BRCA1: variants seen among roughly 807,000 people sequenced by gnomAD.
The protein encoded by BRCA1 is BRCA1 DNA repair associated.
BRCA1 carries 140 observed loss-of-function variants against 173.7 expected under a neutral mutation model. The ratio of observed to expected loss-of-function variants is 0.81; its 90% CI spans 0.70 to 0.93. The LOEUF (loss-of-function observed/expected upper bound fraction) is 0.93, where lower values mean the gene tolerates loss of function less well. Ranked by LOEUF, BRCA1 falls within the 40% of genes least tolerant of loss-of-function variation. The pLI, the probability that BRCA1 is intolerant of heterozygous loss-of-function variation, is 0.00. For missense variants in BRCA1, 1,983 were observed against 2,172.5 expected, an observed-to-expected ratio of 0.91 and a Z score of 1.73; for synonymous variants, 662 against 756.0, an observed-to-expected ratio of 0.88 and a Z score of 2.04.
chr17:43,080,742 G>T (rs1298368290), intron 12 of BRCA1, among the ~76,000 whole-genome samples: 1 of 152,034 alleles, frequency 6.6e-6, no homozygotes, highest in Non-Finnish European at 1.5e-5. Context: ...AGGTCGAGAG[G>T]CTGCAGTGAG....
chr17:43,108,502 A>T (rs1240430497), intron 3 of BRCA1, among the ~76,000 whole-genome samples: 1 of 151,758 alleles, frequency 6.6e-6, no homozygotes, highest in Non-Finnish European at 1.5e-5. Flanking sequence ...CTGGAGTTTG[A>T]GACCAGCCTG....
intron 1 of BRCA1, among the ~76,000 whole-genome samples, chr17:43,146,510 G>C (rs1385828867): frequency 6.6e-6 from 1 of 151,554 alleles, no homozygotes; most frequent in Non-Finnish European, 1.5e-5. Context: ...GGGTTTCACT[G>C]TATTAGCCAG....
chr17:43,105,934 C>A (rs2054741413), intron 4 of BRCA1, among the ~76,000 whole-genome samples: 1 of 151,842 alleles, frequency 6.6e-6, no homozygotes. Flanking sequence ...AGTTACCAGC[C>A]TGGGCAACAT....
Position 43,076,485 on chromosome 17 carries a change from T to C in BRCA1, c.4484+3A>G. 6.2e-7 allele frequency: 1 copy of C among 1,613,656 alleles called. No homozygotes were observed. The highest frequency in any genetic ancestry group is 8.5e-7 in the Non-Finnish European group (1 of 1,179,822). On this transcript the variant is annotated splice_donor_region_variant and intron_variant, in intron 13 of 22. Coordinates refer to ENST00000357654, the MANE Select transcript of BRCA1 (RefSeq NM_007294.4). Reference sequence around the variant, plus strand: ...ACAGCATCTTTACATTGATGTTTCTTACCTTTCCACTCCTGGTTCTTTATT... The same window carrying C: ...ACAGCATCTTTACATTGATGTTTCTCACCTTTCCACTCCTGGTTCTTTATT...
rs71157702 is a variant in BRCA1, at chr17:43,067,890, T to TAAA, written c.4987-198_4987-196dup. Among the ~76,000 whole-genome samples, 701 of 50,080 alleles carry TAAA rather than the reference T, an allele frequency of 0.014. 22 individuals carry two copies. The highest frequency in any genetic ancestry group is 0.03 in the African/African-American group (314 of 10,600). 32.9% of individuals were successfully genotyped at this position (50,080 alleles called of 152,430 possible). A position where few individuals can be genotyped will look rare whatever the true frequency, so the allele number is the denominator to read the frequency against. ...CTTGCTCTGTCACCCAGGCTGGAGG[T>TAAA]AAAAAAAAAAAAAAAAAAAAAATAG... is the stretch of plus-strand genomic sequence containing the variant. On this transcript the variant is annotated intron_variant, in intron 15 of 22. Transcript: ENST00000357654.
At chr17:43,068,094 G>A (rs941579258) in intron 15 of BRCA1, among the ~76,000 whole-genome samples, 5 of 151,366 alleles carry the variant, frequency 3.3e-5, no homozygotes, top group East Asian at 3.9e-4. Flanking sequence ...TGGCTAACAC[G>A]GTGAAACCCT....
chr17:43,051,030 T>G (rs1376099117), intron 20 of BRCA1, 33 bp downstream of exon 20: 1 of 1,600,436 alleles, frequency 6.2e-7, no homozygotes. Context: ...CAAAGGCTGG[T>G]GCTGGAACTC....
intron 1 of BRCA1, among the ~76,000 whole-genome samples, chr17:43,135,233 C>T (rs563390571): frequency 7.9e-5 from 12 of 152,344 alleles, no homozygotes; most frequent in South Asian, 2.1e-4. Context: ...GCTTCAGCCT[C>T]GGTCCAAAAG....
intron 2 of BRCA1, among the ~76,000 whole-genome samples, chr17:43,118,085 AT>A (rs778010977): frequency 1.3e-5 from 2 of 151,970 alleles, no homozygotes; most frequent in African/African-American, 2.4e-5. Context: ...TGAGATGTAC[AT>A]GGGGGGAGTC....
At chr17:43,168,305 G>C (rs1460211417) in intron 1 of BRCA1, 2 of 370,282 alleles carry the variant, frequency 5.4e-6, no homozygotes, top group South Asian at 4.1e-5. Flanking sequence ...CTTTTAAAAA[G>C]GTTTAGAAAA....
intron 1 of BRCA1, among the ~76,000 whole-genome samples, chr17:43,158,312 G>A (rs762643129): frequency 6.6e-6 from 1 of 152,086 alleles, no homozygotes; most frequent in Non-Finnish European, 1.5e-5. Flanking sequence ...TTCCTACAAT[G>A]TCATTTCCTG....
chr17:43,148,244 C>G (rs2056136251), intron 1 of BRCA1: 1 of 159,988 alleles, frequency 6.3e-6, no homozygotes, highest in Non-Finnish European at 1.3e-5. Context: ...GAGCTGAGAT[C>G]GCGCCATTGT....
intron 1 of BRCA1, chr17:43,168,310 AG>A (rs2056281283): frequency 5.4e-6 from 2 of 373,264 alleles, no homozygotes; most frequent in Admixed American, 3.9e-5. Context: ...AAAAAGGTTT[AG>A]AAAAATGACA....
In BRCA1 at chr17:43,148,333, T is replaced by G. The variant is rs751949391; in HGVS notation, c.-20+21793A>C. ...AGACTAATATTTACCTTGAGTGTTA[T>G]GCGCATCCATGTGAAGAGACCACCA... On this transcript the variant is annotated intron_variant, in intron 1 of 7. Transcript: ENST00000634433. The G allele has an allele frequency of 2.5e-5, 4 of 162,594 alleles. No individual in the cohort carries two copies. In the Admixed American group the frequency reaches 2.6e-4, roughly 11 times the overall value. 10.1% of individuals were successfully genotyped at this position (162,594 alleles called of 1,614,324 possible).
At chr17:43,105,232 G>A (rs2154553214) in intron 4 of BRCA1, among the ~76,000 whole-genome samples, 1 of 152,080 alleles carries the variant, frequency 6.6e-6, no homozygotes, top group African/African-American at 2.4e-5. Flanking sequence ...TAGAAAACTA[G>A]AGTACTTTTT....
At chr17:43,088,517 C>T (rs1373971326) in intron 11 of BRCA1, among the ~76,000 whole-genome samples, 1 of 152,144 alleles carries the variant, frequency 6.6e-6, no homozygotes, top group African/African-American at 2.4e-5. Context: ...TCAGTTAACA[C>T]AATGTCTTCA....
Position 43,102,469 on chromosome 17 carries a change from T to G in BRCA1, c.441+1653A>C, listed in dbSNP as rs10445321. 0.49 allele frequency among the ~76,000 whole-genome samples: 73,161 copies of G among 148,878 alleles called. 21,201 individuals are homozygous for G. The highest frequency in any genetic ancestry group is 0.82 in the African/African-American group (33,453 of 40,660). ...ACTCTCAGGTTCAAGTGATTCTCCA[T>G]CCTCAGCCTCTGGAGTAGCTGGGAT... On this transcript the variant is annotated intron_variant, in intron 6 of 22. Transcript: ENST00000357654.
intron 1 of BRCA1, among the ~76,000 whole-genome samples, chr17:43,157,365 C>T (rs2056203858): frequency 6.6e-6 from 1 of 152,314 alleles, no homozygotes; most frequent in East Asian, 1.9e-4. Flanking sequence ...TGGTCCCCAT[C>T]CTAGAAGTTT....
chr17:43,154,262 G>T (rs2056181876), intron 1 of BRCA1, among the ~76,000 whole-genome samples: 1 of 151,906 alleles, frequency 6.6e-6, no homozygotes, highest in Non-Finnish European at 1.5e-5. Flanking sequence ...AAGGCCGGCA[G>T]ATCACGAGGT....
Sources: gnomAD v4.1 joint callset for allele counts (sites outside exome capture counted in the v4.1 genomes callset) on GRCh38, gnomAD v4.1.1 for gene constraint, MANE v1.5 for transcripts, NCBI Gene and HGNC (gene_info 2026-07-23, HGNC 2026-07-21) for gene names.